CADPS: variants seen among roughly 807,000 people sequenced by gnomAD.
The protein encoded by CADPS is calcium-dependent secretion activator 1.
Under a neutral mutation model 167.3 loss-of-function variants are expected in CADPS, and 57 were observed. The ratio of observed to expected loss-of-function variants is 0.34; its 90% CI spans 0.28 to 0.42. The LOEUF is 0.42. Among genes scored for constraint, CADPS ranks in the 20% least tolerant of loss-of-function variants. The probability of loss-of-function intolerance (pLI) is 1.00; values close to 1 mark genes in which losing one functional copy is unlikely to be tolerated. For missense variants in CADPS, 1,414 were observed against 1,738.1 expected (o/e 0.81, Z 3.32); for synonymous variants, 676 against 635.3 (o/e 1.06, Z -0.96).
Position 62,874,960 on chromosome 3 carries a change from G to C in CADPS, c.70C>G (p.Leu24Val). The change falls in exon 1 of 30, where the codon CTC (leucine) becomes GTC (valine). Residue 24 changes from leucine (L) to valine (V), a missense_variant. Leu to Val is a conservative substitution (Grantham distance 32, BLOSUM62 1). Around this residue, in one of 6 missense-constraint regions of CADPS, gnomAD observed 522 missense variants for 559.5 expected, o/e 0.93. Coordinates refer to ENST00000383710, the MANE Select transcript of CADPS (RefSeq NM_003716.4). The surrounding 1 kb of genome is among the most constrained non-coding windows in gnomAD (Gnocchi z 7.1). ...IVEEESGKEVLGSAPSGARLS... is the reference protein window; with the variant it reads ...IVEEESGKEVVGSAPSGARLS... ...CGCGCGCCGGACGGGGCCGAGCCGA[G>C]CACCTCCTTGCCGCTCTCCTCCTCC... 6.3e-7 allele frequency: 1 copy of C among 1,583,678 alleles called. No homozygotes were observed.
chr3:62,569,649 T>C (rs2080936841), intron 9 of CADPS, among the ~76,000 whole-genome samples: 1 of 152,220 alleles, frequency 6.6e-6, no homozygotes, highest in African/African-American at 2.4e-5. Flanking sequence ...GGAGTTGCTT[T>C]GTAGTCAGGT....
At chr3:62,661,748 T>C (rs2073260110) in intron 4 of CADPS, among the ~76,000 whole-genome samples, 1 of 152,034 alleles carries the variant, frequency 6.6e-6, no homozygotes, top group Admixed American at 6.6e-5. Context: ...AACATCCAGG[T>C]GCTGAAGATG....
chr3:62,460,132 ATCAC>A (rs2059155714), intron 26 of CADPS, among the ~76,000 whole-genome samples: 2 of 152,202 alleles, frequency 1.3e-5, no homozygotes, highest in Non-Finnish European at 2.9e-5. Context: ...ACTTTGACAA[ATCAC>A]TCACCATCAC....
intron 3 of CADPS, among the ~76,000 whole-genome samples, chr3:62,737,593 C>T (rs763067365): frequency 6.6e-6 from 1 of 152,204 alleles, no homozygotes; most frequent in Non-Finnish European, 1.5e-5. Flanking sequence ...TCGTAAACAC[C>T]TAAGAGCTTC....
chr3:62,659,021 C>T (rs1313590077), intron 4 of CADPS, among the ~76,000 whole-genome samples: 5 of 152,118 alleles, frequency 3.3e-5, no homozygotes, highest in South Asian at 2.1e-4. Context: ...CCTCCGTCTC[C>T]GATCTCCTCT....
At chr3:62,757,533 T>A (rs1204302964) in intron 2 of CADPS, among the ~76,000 whole-genome samples, 3 of 152,118 alleles carry the variant, frequency 2.0e-5, no homozygotes, top group African/African-American at 7.2e-5. Context: ...AGCGAGACTA[T>A]GTCTGGATTG....
intron 6 of CADPS, among the ~76,000 whole-genome samples, chr3:62,627,884 G>A (rs13074422): frequency 0.61 from 92,627 of 151,978 alleles, 29,406 homozygotes; most frequent in East Asian, 0.85. Flanking sequence ...GAGGTCTCAA[G>A]TATATTCAAC....
At chr3:62,425,296 T>C (rs1165880845) in intron 28 of CADPS, among the ~76,000 whole-genome samples, 1 of 152,164 alleles carries the variant, frequency 6.6e-6, no homozygotes, top group Admixed American at 6.5e-5. Context: ...GGTAGTATGT[T>C]CACCGCCTAT....
chr3:62,599,818 TATATA>T (rs2059620062), intron 6 of CADPS, among the ~76,000 whole-genome samples: 1 of 3,336 alleles, frequency 3.0e-4, no homozygotes, highest in African/African-American at 7.5e-4. Flanking sequence ...AATAATATAT[TATATA>T]TTATATATAT....
intron 3 of CADPS, among the ~76,000 whole-genome samples, chr3:62,751,543 C>T (rs945791234): frequency 6.6e-6 from 1 of 152,040 alleles, no homozygotes; most frequent in Admixed American, 6.5e-5. Flanking sequence ...CTGCCTCAGC[C>T]TCCCTAGTAG....
chr3:62,541,186 C>T (rs149614657), intron 11 of CADPS, among the ~76,000 whole-genome samples: 375 of 152,206 alleles, frequency 2.5e-3, no homozygotes, highest in African/African-American at 8.7e-3. Flanking sequence ...GAACCAATTT[C>T]AATCATCTTT....
At chr3:62,830,615 C>T (rs546507665) in intron 1 of CADPS, among the ~76,000 whole-genome samples, 2 of 152,086 alleles carry the variant, frequency 1.3e-5, no homozygotes, top group Admixed American at 6.6e-5. Flanking sequence ...CAGTCATAAA[C>T]AAAGTCTCCC....
intron 3 of CADPS, among the ~76,000 whole-genome samples, chr3:62,743,995 C>A (rs1217906566): frequency 6.6e-6 from 1 of 152,134 alleles, no homozygotes; most frequent in Non-Finnish European, 1.5e-5. Flanking sequence ...AAGATGACTA[C>A]TTAGGAGCTT....
At chr3:62,773,474 G>A (rs926305692) in intron 1 of CADPS, among the ~76,000 whole-genome samples, 8 of 151,976 alleles carry the variant, frequency 5.3e-5, no homozygotes, top group Non-Finnish European at 1.0e-4. Flanking sequence ...TTGAAGGTGG[G>A]GAGAATTACG....
chr3:62,696,395 G>A (rs193070373), intron 3 of CADPS, among the ~76,000 whole-genome samples: 4 of 152,144 alleles, frequency 2.6e-5, no homozygotes, highest in African/African-American at 9.6e-5. Flanking sequence ...GTCAATACTT[G>A]CAGATACACC....
intron 6 of CADPS, among the ~76,000 whole-genome samples, chr3:62,593,178 T>C (rs1183264088): frequency 6.6e-6 from 1 of 152,218 alleles, no homozygotes; most frequent in Non-Finnish European, 1.5e-5. Flanking sequence ...CAAATGAGAC[T>C]TCAACAATAG....
In CADPS at chr3:62,762,897, AT is replaced by A. The variant is rs370978388; in HGVS notation, c.555+2973del. On this transcript the variant is annotated intron_variant, in intron 2 of 29. Coordinates refer to ENST00000383710, the MANE Select transcript of CADPS (RefSeq NM_003716.4). ...ATTTTGAGATTATTGCTGTTACACTATTTTTTAACGTTATTGCTGTTGGTAA... is the reference window on the plus strand; with the variant it reads ...ATTTTGAGATTATTGCTGTTACACTATTTTTAACGTTATTGCTGTTGGTAA... 1.1e-4 allele frequency among the ~76,000 whole-genome samples: 16 copies of A among 152,184 alleles called. 1 individual carries two copies. In the East Asian group the frequency reaches 2.7e-3, roughly 26 times the overall value.
chr3:62,460,256 G>A (rs2059173007), intron 26 of CADPS, among the ~76,000 whole-genome samples: 1 of 152,210 alleles, frequency 6.6e-6, no homozygotes, highest in Admixed American at 6.5e-5. Flanking sequence ...CATAGTATGT[G>A]TTCAATAAAC....
chr3:62,798,553 C>T (rs2093586379), intron 1 of CADPS, among the ~76,000 whole-genome samples: 1 of 152,070 alleles, frequency 6.6e-6, no homozygotes, highest in Admixed American at 6.6e-5. Flanking sequence ...TTGTGTGAGT[C>T]AATAATCCTT....
Sources: allele counts gnomAD v4.1 joint callset (sites outside exome capture counted in the v4.1 genomes callset), GRCh38; gene constraint gnomAD v4.1.1; regional missense constraint gnomAD v4.1.1; non-coding constraint Gnocchi (gnomAD v3.1); transcripts MANE v1.5; gene names NCBI Gene and HGNC (gene_info 2026-07-23, HGNC 2026-07-21).